The following FAM78B variants were observed in gnomAD, a reference collection of about 807,000 sequenced individuals.
FAM78B encodes the protein family with sequence similarity 78 member B.
Under a neutral mutation model 20.0 loss-of-function variants are expected in FAM78B, and 10 were observed. The ratio of observed to expected loss-of-function variants is 0.50; its 90% CI spans 0.31 to 0.85. The LOEUF is 0.85. Ranked by LOEUF, FAM78B falls within the 40% of genes least tolerant of loss-of-function variation. FAM78B has a pLI of 0.05. For missense variants in FAM78B, 283 were observed against 345.0 expected (o/e 0.82, Z 1.42); for synonymous variants, 135 against 132.8 (o/e 1.02, Z -0.12).
At position 166,166,432 on chromosome 1, in the gene FAM78B, G is replaced by T; in HGVS notation, c.-184C>A. 2 of 349,334 alleles carry T rather than the reference G, an allele frequency of 5.7e-6. No individual in the cohort carries two copies. The highest frequency in any genetic ancestry group is 8.2e-6 in the Non-Finnish European group (2 of 244,460). The allele number at this position is 349,334 out of a possible 1,614,324, so 21.6% of individuals were successfully genotyped here. A position where few individuals can be genotyped will look rare whatever the true frequency, so the allele number is the denominator to read the frequency against. On this transcript the variant is annotated 5_prime_UTR_variant, in exon 1 of 2. Coordinates refer to ENST00000354422, the MANE Select transcript of FAM78B (RefSeq NM_001017961.5). ...AGCCCCCTCCTCTTGCAGCCGCGCGGGGTCCCCGCTGCCCCGACGTCCGCC... is the reference window on the plus strand; with the variant it reads ...AGCCCCCTCCTCTTGCAGCCGCGCGTGGTCCCCGCTGCCCCGACGTCCGCC...
At chr1:166,085,027 T>G (rs1206918828) in intron 1 of FAM78B, among the ~76,000 whole-genome samples, 1 of 152,224 alleles carries the variant, frequency 6.6e-6, no homozygotes, top group Non-Finnish European at 1.5e-5. Context: ...CTTTTTACCT[T>G]ATTTGTCAAG....
chr1:166,071,881 G>A (rs1296608321), intron 1 of FAM78B, among the ~76,000 whole-genome samples: 2 of 152,142 alleles, frequency 1.3e-5, no homozygotes, highest in Admixed American at 6.5e-5. Context: ...GCTGTCTAAT[G>A]AGTTAGCAGC....
intron 1 of FAM78B, among the ~76,000 whole-genome samples, chr1:166,110,366 G>A (rs1023854450): frequency 6.6e-6 from 1 of 152,148 alleles, no homozygotes; most frequent in African/African-American, 2.4e-5. Context: ...TCCCTCTGCA[G>A]AGCTGGGCAT....
chr1:166,066,945 T>G (rs888819379), downstream of FAM78B, among the ~76,000 whole-genome samples: 5 of 143,956 alleles, frequency 3.5e-5, no homozygotes, highest in African/African-American at 1.3e-4. Context: ...GAATGTAAAC[T>G]GCATGCAGCG....
intron 1 of FAM78B, among the ~76,000 whole-genome samples, chr1:166,115,409 C>A (rs897361432): frequency 6.6e-6 from 1 of 152,168 alleles, no homozygotes; most frequent in Non-Finnish European, 1.5e-5. Flanking sequence ...GGCAAAGGCC[C>A]TGGGGTGACC....
intron 1 of FAM78B, among the ~76,000 whole-genome samples, chr1:166,076,725 T>C (rs969545641): frequency 6.6e-5 from 10 of 152,202 alleles, no homozygotes; most frequent in Admixed American, 2.0e-4. Context: ...AAATCATTTG[T>C]TGAATACATA....
intron 1 of FAM78B, among the ~76,000 whole-genome samples, chr1:166,092,466 T>C (rs1219954722): frequency 6.6e-6 from 1 of 152,236 alleles, no homozygotes; most frequent in Non-Finnish European, 1.5e-5. Context: ...AGTCCTACCC[T>C]GCCTCTTCTC....
rs528813938 is a variant in FAM78B, at chr1:166,061,397, G to A, written c.*410-734C>T. Among the ~76,000 whole-genome samples the A allele has an allele frequency of 4.6e-5, 7 of 152,104 alleles. No individual in the cohort carries two copies. In the South Asian group the frequency reaches 1.2e-3, roughly 27 times the overall value. ...TTTTGATATGCTCTGTCTGCTTACA[G>A]GGATGTACTGCTATAATGACACAAA... On this transcript the variant is annotated intron_variant and NMD_transcript_variant, in intron 2 of 2. Transcript: ENST00000435676.
intron 1 of FAM78B, among the ~76,000 whole-genome samples, chr1:166,119,775 G>A (rs1654398877): frequency 6.6e-6 from 1 of 152,230 alleles, no homozygotes. Flanking sequence ...TAAAGGACGC[G>A]TGTCGTAAGT....
chr1:166,069,818 G>T lies in FAM78B; in HGVS notation c.*423C>A. 4.6e-6 allele frequency: 1 copy of T among 218,616 alleles called. No homozygotes were observed. Among genetic ancestry groups the T allele is most frequent in the Non-Finnish European group, 7.8e-6 (1 of 127,574 alleles). 13.5% of individuals were successfully genotyped at this position (218,616 alleles called of 1,614,324 possible). ...AGCACCCTCCAGTCAGACAGCAGGA[G>T]TCTGTCTTACGACCACCTGGTGTGG... On this transcript the variant is annotated 3_prime_UTR_variant, in exon 2 of 2. Coordinates refer to ENST00000354422, the MANE Select transcript of FAM78B (RefSeq NM_001017961.5).
intron 1 of FAM78B, among the ~76,000 whole-genome samples, chr1:166,105,754 G>A (rs1447794635): frequency 6.6e-6 from 1 of 151,840 alleles, no homozygotes; most frequent in Non-Finnish European, 1.5e-5. Context: ...TTACACTGTT[G>A]GTGGGACTGT....
At chr1:166,101,725 A>C (rs997674560) in intron 1 of FAM78B, among the ~76,000 whole-genome samples, 3 of 152,212 alleles carry the variant, frequency 2.0e-5, no homozygotes, top group African/African-American at 7.2e-5. Flanking sequence ...GACCAAATCT[A>C]CGTCTGATTG....
intron 1 of FAM78B, among the ~76,000 whole-genome samples, chr1:166,146,550 T>C (rs1655462523): frequency 6.6e-6 from 1 of 152,146 alleles, no homozygotes; most frequent in Non-Finnish European, 1.5e-5. Flanking sequence ...CTAAAAGCAC[T>C]CCAAGGTCAG....
exon 3 of FAM78B, chr1:166,058,254 T>TCGA (rs1380337528): frequency 6.6e-6 from 1 of 152,214 alleles, no homozygotes; most frequent in African/African-American, 2.4e-5. Context: ...AGGGTAACAC[T>TCGA]CGACTCTTTA....
At chr1:166,124,881 T>A (rs538840581) in intron 1 of FAM78B, among the ~76,000 whole-genome samples, 37 of 152,316 alleles carry the variant, frequency 2.4e-4, no homozygotes, top group African/African-American at 7.5e-4. Flanking sequence ...GTTGGCTGCA[T>A]CCTGGCAGAC....
intron 1 of FAM78B, among the ~76,000 whole-genome samples, chr1:166,135,667 G>A (rs1031897187): frequency 6.6e-6 from 1 of 152,198 alleles, no homozygotes; most frequent in African/African-American, 2.4e-5. Context: ...GGGAAAAGGA[G>A]AAAGAACCAA....
At chr1:166,078,265 G>A in intron 1 of FAM78B, among the ~76,000 whole-genome samples, 1 of 151,978 alleles carries the variant, frequency 6.6e-6, no homozygotes, top group East Asian at 1.9e-4. Context: ...TCCTGACCTG[G>A]TGATCCGCCT....
intron 1 of FAM78B, among the ~76,000 whole-genome samples, chr1:166,147,445 A>C (rs1655503556): frequency 6.6e-6 from 1 of 152,234 alleles, no homozygotes. Context: ...AGAACCCATA[A>C]GGATGCTTTA....
intron 1 of FAM78B, among the ~76,000 whole-genome samples, chr1:166,135,958 G>C (rs1655048781): frequency 6.6e-6 from 1 of 152,196 alleles, no homozygotes; most frequent in African/African-American, 2.4e-5. Context: ...ATATTAACAA[G>C]AGATCTAGTC....
Sources: gnomAD v4.1 joint callset for allele counts (sites outside exome capture counted in the v4.1 genomes callset) on GRCh38, gnomAD v4.1.1 for gene constraint, MANE v1.5 for transcripts, NCBI Gene and HGNC (gene_info 2026-07-23, HGNC 2026-07-21) for gene names.